ZNF600: variants seen among roughly 807,000 people sequenced by gnomAD.
The protein encoded by ZNF600 is zinc finger protein KR-ZNF1.
ZNF600 carries 4 observed loss-of-function variants against 7.3 expected under a neutral mutation model. The observed-to-expected ratio is 0.55, with a 90% CI of 0.27 to 1.25. The LOEUF is 1.25. ZNF600 is among the 50% of genes most tolerant of loss of function. ZNF600 has a pLI of 0.12. For missense variants in ZNF600, 911 were observed against 922.1 expected (o/e 0.99, Z 0.16); for synonymous variants, 290 against 308.9 (o/e 0.94, Z 0.64).
the ZNF600 span, among the ~76,000 whole-genome samples, chr19:52,812,787 A>AG: frequency 2.7e-4 from 36 of 131,048 alleles, no homozygotes; most frequent in African/African-American, 9.7e-4. Context: ...AAAAAAAAAA[A>AG]GTTTTAAGTG....
the ZNF600 span, chr19:52,799,956 G>A: frequency 6.2e-7 from 1 of 1,612,848 alleles, no homozygotes; most frequent in Non-Finnish European, 8.5e-7. Flanking sequence ...TTTCTCTCCA[G>A]TATGAAGCCT....
At chr19:52,823,791 G>A in the ZNF600 span, among the ~76,000 whole-genome samples, 1 of 152,028 alleles carries the variant, frequency 6.6e-6, no homozygotes, top group Admixed American at 6.6e-5. Flanking sequence ...GGCCAGGCGC[G>A]GTGGTTCAAG....
chr19:52,821,129 G>A, the ZNF600 span, among the ~76,000 whole-genome samples: 2 of 152,090 alleles, frequency 1.3e-5, no homozygotes, highest in African/African-American at 4.8e-5. Flanking sequence ...GAGGAGGAGG[G>A]AGGTGGGGAG....
the ZNF600 span, among the ~76,000 whole-genome samples, chr19:52,794,735 G>A: frequency 2.4e-4 from 37 of 152,204 alleles, 1 homozygote; most frequent in Admixed American, 2.2e-3. Flanking sequence ...TGCATCTGTG[G>A]TCTCAGCTAT....
At chr19:52,803,201 T>G in the ZNF600 span, among the ~76,000 whole-genome samples, 5 of 152,212 alleles carry the variant, frequency 3.3e-5, no homozygotes, top group African/African-American at 1.2e-4. Context: ...CCTTAGGTTC[T>G]GAGCACCTGG....
chr19:52,782,024 G>A (rs527778337), intron 1 of ZNF600, among the ~76,000 whole-genome samples: 2 of 152,146 alleles, frequency 1.3e-5, no homozygotes, highest in East Asian at 1.9e-4. Flanking sequence ...TCGTGCCACT[G>A]CACTCCAGCC....
chr19:52,790,631 C>G (rs939075920), upstream of ZNF600, among the ~76,000 whole-genome samples: 1 of 151,428 alleles, frequency 6.6e-6, no homozygotes, highest in Non-Finnish European at 1.5e-5. Flanking sequence ...CTAAATTGTG[C>G]CTTTGTACTC....
chr19:52,810,335 C>G, the ZNF600 span: 110 of 1,601,742 alleles, frequency 6.9e-5, no homozygotes, highest in Non-Finnish European at 8.5e-5. Context: ...ATGTGGACTG[C>G]GGTGCAACAG....
chr19:52,818,774 T>C, the ZNF600 span, among the ~76,000 whole-genome samples: 3 of 149,654 alleles, frequency 2.0e-5, no homozygotes, highest in East Asian at 3.9e-4. Flanking sequence ...TCTTAGCTAC[T>C]TGGGAGGCTG....
At chr19:52,800,951 A>G in the ZNF600 span, 1 of 1,614,110 alleles carries the variant, frequency 6.2e-7, no homozygotes, top group South Asian at 1.1e-5. Context: ...CACATTCATA[A>G]GGTTTGTCTG....
At chr19:52,824,642 A>T in the ZNF600 span, among the ~76,000 whole-genome samples, 2 of 152,136 alleles carry the variant, frequency 1.3e-5, no homozygotes, top group African/African-American at 4.8e-5. Context: ...CTCAAAAAAA[A>T]GAAATAACTA....
chr19:52,811,061 C>CA, the ZNF600 span, among the ~76,000 whole-genome samples: 5 of 148,762 alleles, frequency 3.4e-5, no homozygotes, highest in African/African-American at 1.2e-4. Context: ...GACTGGTTTT[C>CA]GTTTTTTTTT....
In ZNF600 at chr19:52,778,927, A is replaced by G. The variant is rs2147549547; in HGVS notation, c.-19-20T>C. On this transcript the variant is annotated intron_variant, in intron 1 of 3. Transcript: ENST00000648973. The stretch of plus-strand genomic sequence containing the variant: ...TCAATCCTGTATGTGAAAAAAAATG[A>G]GACTTCTTGTTAGAAATGACTCACT... 6.3e-7 allele frequency: 1 copy of G among 1,580,118 alleles called. No individual in the cohort carries two copies. The highest frequency in any genetic ancestry group is 8.6e-7 in the Non-Finnish European group (1 of 1,168,288).
At chr19:52,787,531 C>T (rs190117600), upstream of ZNF600, among the ~76,000 whole-genome samples, 37 of 147,986 alleles carry the variant, frequency 2.5e-4, 1 homozygote, top group South Asian at 6.0e-3. Context: ...CTCAGCCTTT[C>T]GAGTAACTGG....
At chr19:52,828,108 A>G in the ZNF600 span, among the ~76,000 whole-genome samples, 1 of 151,464 alleles carries the variant, frequency 6.6e-6, no homozygotes, top group East Asian at 1.9e-4. Context: ...CTGGAGTAAA[A>G]TGGCGCGATC....
intron 3 of ZNF600, among the ~76,000 whole-genome samples, chr19:52,773,158 A>G (rs140771503): frequency 0.048 from 7,217 of 151,284 alleles, 194 homozygotes; most frequent in African/African-American, 0.16. Flanking sequence ...AAGGGTGGAG[A>G]GCAGGAAGTA....
chr19:52,790,607 GGCT>G (rs1256770167), upstream of ZNF600, among the ~76,000 whole-genome samples: 1 of 151,876 alleles, frequency 6.6e-6, no homozygotes, highest in African/African-American at 2.4e-5. Context: ...AGGAGTTTCA[GGCT>G]GCTGTAAACT....
the ZNF600 span, chr19:52,799,083 TCA>T: frequency 6.3e-5 from 27 of 431,312 alleles, 1 homozygote; most frequent in South Asian, 2.0e-4. Flanking sequence ...GACAACTTTG[TCA>T]CAGTCTTCAC....
At chr19:52,790,926 C>T (rs962308433), upstream of ZNF600, among the ~76,000 whole-genome samples, 9 of 151,928 alleles carry the variant, frequency 5.9e-5, no homozygotes, top group South Asian at 2.1e-4. Flanking sequence ...AGTGATCCAC[C>T]CACCTTGGAC....
Sources: gnomAD v4.1 joint callset for allele counts (sites outside exome capture counted in the v4.1 genomes callset) on GRCh38, gnomAD v4.1.1 for gene constraint, MANE v1.5 for transcripts, NCBI Gene and HGNC (gene_info 2026-07-23, HGNC 2026-07-21) for gene names.